The following MAP4K1 variants were observed in gnomAD, a reference collection of about 807,000 sequenced individuals.
MAP4K1 encodes the protein mitogen-activated protein kinase kinase kinase kinase 1, also known as MAPK/ERK kinase kinase kinase 1.
A neutral mutation model predicts 122.8 loss-of-function variants in MAP4K1; 35 were observed. The ratio of observed to expected loss-of-function variants is 0.29; its 90% CI spans 0.22 to 0.38. The LOEUF (loss-of-function observed/expected upper bound fraction) is 0.38, where lower values mean the gene tolerates loss of function less well. Among genes scored for constraint, MAP4K1 ranks in the 10% least tolerant of loss-of-function variants. The pLI, the probability that MAP4K1 is intolerant of heterozygous loss-of-function variation, is 1.00. For missense variants in MAP4K1, 791 were observed against 1,072.6 expected (o/e 0.74, Z 3.67); for synonymous variants, 412 against 421.3 (o/e 0.98, Z 0.27).
chr19:38,588,374 T>TAAG (rs1974591846), intron 30 of MAP4K1, among the ~76,000 whole-genome samples: 1 of 152,086 alleles, frequency 6.6e-6, no homozygotes, highest in African/African-American at 2.4e-5. Flanking sequence ...TGGCTAAATT[T>TAAG]AAGACCATTT....
chr19:38,601,574 G>A (rs979958103), intron 19 of MAP4K1, 49 bp from the exon 20 acceptor site: 20 of 1,445,142 alleles, frequency 1.4e-5, no homozygotes, highest in African/African-American at 4.2e-5. Flanking sequence ...AAAGAGAGCA[G>A]GGAACAGGAA....
intron 19 of MAP4K1, 68 bp downstream of exon 19, chr19:38,605,341 C>CAA: frequency 1.4e-5 from 16 of 1,178,734 alleles, no homozygotes; most frequent in Middle Eastern, 2.8e-4. Flanking sequence ...CTGCCACCCC[C>CAA]TCCCCACCCC....
In MAP4K1 at chr19:38,609,937, A is replaced by G. The variant is rs200338471; in HGVS notation, c.899T>C (p.Ile300Thr). ...GGGCTCCTCATCCTCAATGTCCCCA[A>G]TGGAGGGTCCTTTCCCGGGATTCTT... Reference protein sequence around the residue: ...KLKNPGKGPSIGDIEDEEPEL... With the variant: ...KLKNPGKGPSTGDIEDEEPEL... The change falls in exon 12 of 31, where the codon ATT (isoleucine) becomes ACT (threonine). Residue 300 changes from isoleucine (I) to threonine (T), a missense_variant. Ile to Thr is a moderately conservative substitution (Grantham distance 89, BLOSUM62 -1). Transcript: ENST00000396857. 2.9e-4 allele frequency: 472 copies of G among 1,614,142 alleles called. 1 individual carries two copies. Among genetic ancestry groups the G allele is most frequent in the East Asian group, 8.7e-4 (39 of 44,878 alleles).
At chr19:38,593,459 T>G in intron 29 of MAP4K1, 122 bp from the exon 30 acceptor site, 2 of 780,770 alleles carry the variant, frequency 2.6e-6, no homozygotes, top group Non-Finnish European at 4.0e-6. Context: ...TCCCAGCACT[T>G]TGGGAGGCCG....
chr19:38,596,207 C>T, intron 26 of MAP4K1, 105 bp downstream of exon 26: 1 of 1,428,686 alleles, frequency 7.0e-7, no homozygotes, highest in Middle Eastern at 1.8e-4. Flanking sequence ...CCCTTCCAGC[C>T]CTTTCTCAGT....
chr19:38,588,731 G>A (rs1348194011), intron 30 of MAP4K1, among the ~76,000 whole-genome samples: 14 of 148,490 alleles, frequency 9.4e-5, no homozygotes, highest in Admixed American at 5.4e-4. Flanking sequence ...CAGCCTGGGC[G>A]ACAGAGCGAG....
chr19:38,596,221 G>A (rs768686171), intron 26 of MAP4K1, 91 bp downstream of exon 26: 17 of 1,455,080 alleles, frequency 1.2e-5, no homozygotes, highest in Admixed American at 2.3e-5. Context: ...TCTCAGTCCC[G>A]TAGTGCCTCA....
intron 9 of MAP4K1, among the ~76,000 whole-genome samples, chr19:38,612,178 C>T (rs952727530): frequency 2.0e-5 from 3 of 151,510 alleles, no homozygotes; most frequent in South Asian, 2.1e-4. Context: ...CCAGCACCTC[C>T]GGAAGCCAAG....
chr19:38,595,932 T>A lies in MAP4K1; in HGVS notation c.2179+7A>T. 1 of 1,611,708 alleles carries A rather than the reference T, an allele frequency of 6.2e-7. No homozygotes were observed. The highest frequency in any genetic ancestry group is 8.5e-7 in the Non-Finnish European group (1 of 1,178,780). On this transcript the variant is annotated splice_region_variant and intron_variant, in intron 27 of 30. Transcript: ENST00000396857. Reference sequence around the variant, plus strand: ...TGGGGAGGAAGGGGAGGAAGGAGGGTTCTCACCATCCATCAACACCATCAC... The same window carrying A: ...TGGGGAGGAAGGGGAGGAAGGAGGGATCTCACCATCCATCAACACCATCAC...
rs1039548694 is a variant in MAP4K1 at position 38,611,068 on chromosome 19, C to T, written c.793G>A (p.Ala265Thr). 2 of 1,612,222 alleles carry T rather than the reference C, an allele frequency of 1.2e-6. No individual in the cohort carries two copies. Among genetic ancestry groups the T allele is most frequent in the African/African-American group, 1.3e-5 (1 of 74,680 alleles). The part of the protein sequence containing the change: ...LTKSPKKRPS[A>T]TKMLSHQLVS... ...AGGGTTACACTGAGCATCTTGGTGGCGCTGGGTCGTTTCTTGGGACTCTTA... is the reference window on the plus strand; with the variant it reads ...AGGGTTACACTGAGCATCTTGGTGGTGCTGGGTCGTTTCTTGGGACTCTTA... The change falls in exon 11 of 31, where the codon GCC (alanine) becomes ACC (threonine). Residue 265 changes from alanine to threonine, a missense_variant. Physicochemically the swap from Ala to Thr is moderately conservative, Grantham distance 58 (BLOSUM62 0). This residue lies in a region of MAP4K1 where 303 missense variants were observed against 344.8 expected (regional missense o/e 0.88). Transcript: ENST00000396857.
At chr19:38,590,437 A>T (rs1347774348) in intron 30 of MAP4K1, among the ~76,000 whole-genome samples, 1 of 120,530 alleles carries the variant, frequency 8.3e-6, no homozygotes, top group East Asian at 2.4e-4. Flanking sequence ...ATATATATAT[A>T]ATCACGGGCG....
rs1034797056 is a variant in MAP4K1, at chr19:38,612,783, G to A, written c.534-41C>T. ...CTCAGAGAGCCAGAGGTGGCATGGG[G>A]ACAGGAAGGGAAGGAGGGGCAGAGA... is the stretch of plus-strand genomic sequence containing the variant. On this transcript the variant is annotated intron_variant, in intron 8 of 30. Coordinates refer to ENST00000396857, the MANE Select transcript of MAP4K1 (RefSeq NM_001042600.3). 5 of 1,604,528 alleles carry A rather than the reference G, an allele frequency of 3.1e-6. No individual in the cohort carries two copies. In the South Asian group the frequency reaches 5.5e-5, roughly 18 times the overall value.
At chr19:38,609,764 C>G in intron 12 of MAP4K1, 90 bp from the exon 13 acceptor site, 1 of 1,360,986 alleles carries the variant, frequency 7.3e-7, no homozygotes, top group Non-Finnish European at 1.0e-6. Flanking sequence ...CTGTAACCCT[C>G]TGGGCACACA....
chr19:38,608,997 A>C (rs1470102319), intron 13 of MAP4K1, among the ~76,000 whole-genome samples: 3 of 151,372 alleles, frequency 2.0e-5, no homozygotes, highest in Non-Finnish European at 4.4e-5. Flanking sequence ...ATAAACAAAT[A>C]AATAAGTTTT....
chr19:38,596,565 G>T, intron 25 of MAP4K1, 79 bp from the exon 26 acceptor site: 1 of 1,223,130 alleles, frequency 8.2e-7, no homozygotes, highest in Non-Finnish European at 1.1e-6. Flanking sequence ...TAGCTGGCCT[G>T]GGACTTCCGA....
At chr19:38,603,148 ACATATACATG>A (rs1975188984) in intron 19 of MAP4K1, among the ~76,000 whole-genome samples, 1 of 149,464 alleles carries the variant, frequency 6.7e-6, no homozygotes, top group African/African-American at 2.5e-5. Flanking sequence ...ATATATACAC[ACATATACATG>A]TATACATATA....
Position 38,601,511 on chromosome 19 carries a change from G to C in MAP4K1, c.1461C>G (p.Leu487=). Residue 487 remains leucine (L), a synonymous_variant, in exon 20 of 31, where the codon CTC becomes CTG. Transcript: ENST00000396857. ...EKMKRKGCAL[L]VKLFNGCPLR... The stretch of plus-strand genomic sequence containing the variant: ...GGGGGCAGCCATTGAACAACTTTAC[G>C]AGAAGGGCACATCCCTGGGCAGGTC... The C allele has an allele frequency of 1.9e-6, 3 of 1,608,000 alleles. No homozygotes were observed. The African/African-American group carries it at 4.0e-5, about 21-fold the overall frequency.
Position 38,609,932 on chromosome 19 carries a change from C to G in MAP4K1, c.904G>C (p.Asp302His), listed in dbSNP as rs143567056. ...KNPGKGPSIGDIEDEEPELPP... is the reference protein window; with the variant it reads ...KNPGKGPSIGHIEDEEPELPP... ...ACCTCGGGCTCCTCATCCTCAATGT[C>G]CCCAATGGAGGGTCCTTTCCCGGGA... Residue 302 changes from aspartate to histidine, a missense_variant, in exon 12 of 31, where the codon GAC (aspartate) becomes CAC (histidine). Physicochemically the swap from Asp to His is moderately conservative, Grantham distance 81 (BLOSUM62 -1). Transcript: ENST00000396857. 88 of 1,614,144 alleles carry G rather than the reference C, an allele frequency of 5.5e-5. No individual in the cohort carries two copies. The East Asian group carries it at 1.9e-3, about 35-fold the overall frequency.
At chr19:38,610,990 C>T (rs1975479754) in intron 11 of MAP4K1, 61 bp downstream of exon 11, 4 of 1,411,098 alleles carry the variant, frequency 2.8e-6, no homozygotes, top group African/African-American at 1.4e-5. Context: ...TCCATGTCCT[C>T]GGGAGTTGTG....
Sources: gnomAD v4.1 joint callset for allele counts (sites outside exome capture counted in the v4.1 genomes callset) on GRCh38, gnomAD v4.1.1 for gene constraint, gnomAD v4.1.1 regional missense constraint, MANE v1.5 for transcripts, NCBI Gene and HGNC (gene_info 2026-07-23, HGNC 2026-07-21) for gene names.